ABHD12B: variants seen among roughly 807,000 people sequenced by gnomAD.
The protein encoded by ABHD12B is abhydrolase domain containing 12B.
A neutral mutation model predicts 50.4 loss-of-function variants in ABHD12B; 42 were observed. That is an observed-to-expected ratio of 0.83 (90% CI 0.65 to 1.08). The LOEUF (loss-of-function observed/expected upper bound fraction) is 1.08, where lower values mean the gene tolerates loss of function less well. Ranked by LOEUF, ABHD12B falls within the 50% of genes least tolerant of loss-of-function variation. The pLI, the probability that ABHD12B is intolerant of heterozygous loss-of-function variation, is 0.00. For missense variants in ABHD12B, 479 were observed against 447.7 expected (o/e 1.07, Z -0.63); for synonymous variants, 167 against 160.3 (o/e 1.04, Z -0.32).
At chr14:50,889,723 C>A (rs186328961) in intron 9 of ABHD12B, among the ~76,000 whole-genome samples, 2 of 152,166 alleles carry the variant, frequency 1.3e-5, no homozygotes, top group Non-Finnish European at 1.5e-5. Flanking sequence ...TAGAGTTGTA[C>A]GTACGTGTAA....
chr14:50,890,948 G>A (rs963667686), intron 9 of ABHD12B: 4 of 152,148 alleles, frequency 2.6e-5, no homozygotes, highest in Non-Finnish European at 5.9e-5. Context: ...AGCTCCAGTT[G>A]CTTCAAATCC....
rs772303357 is a variant in ABHD12B, at chr14:50,904,820, C to T, written c.*454C>T. Reference sequence around the variant, plus strand: ...ATAAATTATGACCAAAAGAGCTCTTCACTCCTCCTACCATTTGAGGATACA... The same window carrying T: ...ATAAATTATGACCAAAAGAGCTCTTTACTCCTCCTACCATTTGAGGATACA... On this transcript the variant is annotated 3_prime_UTR_variant, in exon 13 of 13. Transcript: ENST00000337334. 102 of 233,236 alleles carry T rather than the reference C, an allele frequency of 4.4e-4. No individual in the cohort carries two copies. The highest frequency in any genetic ancestry group is 7.4e-4 in the Non-Finnish European group (87 of 117,896). The allele number at this position is 233,236 out of a possible 1,614,324, so 14.4% of individuals were successfully genotyped here. A position where few individuals can be genotyped will look rare whatever the true frequency, so the allele number is the denominator to read the frequency against.
chr14:50,886,642 TAC>T lies in ABHD12B; in HGVS notation c.663-3_663-2del. 6.2e-7 allele frequency: 1 copy of T among 1,608,476 alleles called. No individual in the cohort carries two copies. The highest frequency in any genetic ancestry group is 8.5e-7 in the Non-Finnish European group (1 of 1,176,922). ...ACACATGTACTAATTTTCATTGCTTTACAGAGTTGCAACAAATGCTGCAAAAG... is the reference window on the plus strand; with the variant it reads ...ACACATGTACTAATTTTCATTGCTTTAGAGTTGCAACAAATGCTGCAAAAG... On this transcript the variant is annotated splice_polypyrimidine_tract_variant and splice_region_variant and intron_variant, in intron 7 of 12. Coordinates refer to ENST00000337334, the MANE Select transcript of ABHD12B (RefSeq NM_001206673.2).
chr14:50,896,863 TCA>T (rs1261167124), intron 9 of ABHD12B, among the ~76,000 whole-genome samples: 2 of 152,332 alleles, frequency 1.3e-5, no homozygotes, highest in East Asian at 3.9e-4. Context: ...GGTGGTCTCT[TCA>T]CACAGACGCG....
chr14:50,898,473 A>G (rs1455370883), intron 9 of ABHD12B, among the ~76,000 whole-genome samples: 1 of 152,182 alleles, frequency 6.6e-6, no homozygotes, highest in Non-Finnish European at 1.5e-5. Context: ...AAGGATGTTT[A>G]TCTGGTGGTG....
chr14:50,897,046 C>A (rs1024463138), intron 9 of ABHD12B, among the ~76,000 whole-genome samples: 1 of 150,344 alleles, frequency 6.7e-6, no homozygotes, highest in Non-Finnish European at 1.5e-5. Context: ...GGTACATAAG[C>A]CTAATAATAT....
chr14:50,894,527 C>G (rs565861726), intron 9 of ABHD12B, among the ~76,000 whole-genome samples: 3 of 152,226 alleles, frequency 2.0e-5, no homozygotes, highest in African/African-American at 7.2e-5. Context: ...CACACCTGAC[C>G]TAAAATCTAA....
At chr14:50,886,440 CAAAAAAA>C (rs534954967) in intron 7 of ABHD12B, among the ~76,000 whole-genome samples, 200 bp from the exon 8 acceptor site, 1 of 62,968 alleles carries the variant, frequency 1.6e-5, no homozygotes, top group Non-Finnish European at 3.3e-5. Context: ...GCTCTGTCTC[CAAAAAAA>C]AAAAAAAAAA....
intron 1 of ABHD12B, among the ~76,000 whole-genome samples, chr14:50,875,606 G>A (rs1450109353): frequency 6.6e-6 from 1 of 152,202 alleles, no homozygotes; most frequent in African/African-American, 2.4e-5. Flanking sequence ...CGTTAGCGGG[G>A]ATTGGGCTGA....
At chr14:50,894,865 C>T (rs868249384) in intron 9 of ABHD12B, among the ~76,000 whole-genome samples, 13 of 148,252 alleles carry the variant, frequency 8.8e-5, no homozygotes, top group Admixed American at 4.6e-4. Flanking sequence ...CTCGCCAGGC[C>T]GAGCTAGGCC....
intron 9 of ABHD12B, among the ~76,000 whole-genome samples, chr14:50,899,492 A>T (rs2050237601): frequency 6.6e-6 from 1 of 152,326 alleles, no homozygotes; most frequent in South Asian, 2.1e-4. Flanking sequence ...TTTTTAAAAA[A>T]TTGTGAAGCA....
In ABHD12B at chr14:50,882,373, C is replaced by CTTTTTTTTTTTTTTTTTTT. The variant is rs386381352; in HGVS notation, c.486+750_486+768dup. 4.4e-4 allele frequency among the ~76,000 whole-genome samples: 36 copies of CTTTTTTTTTTTTTTTTTTT among 81,834 alleles called. 7 individuals are homozygous for CTTTTTTTTTTTTTTTTTTT. Among genetic ancestry groups the CTTTTTTTTTTTTTTTTTTT allele is most frequent in the African/African-American group, 1.8e-3 (35 of 19,318 alleles). 53.7% of individuals were successfully genotyped at this position (81,834 alleles called of 152,430 possible). On this transcript the variant is annotated intron_variant, in intron 5 of 12. Coordinates refer to ENST00000337334, the MANE Select transcript of ABHD12B (RefSeq NM_001206673.2). ...ATAGGCTAAAGACACAGAATGTCTG[C>CTTTTTTTTTTTTTTTTTTT]TTTTTTTTTTTTTTTTTTTTTGAGA...
intron 12 of ABHD12B, 32 bp from the exon 13 acceptor site, chr14:50,904,307 G>T (rs1290436929): frequency 6.2e-7 from 1 of 1,613,902 alleles, no homozygotes; most frequent in Non-Finnish European, 8.5e-7. Context: ...GTAGGGAAAG[G>T]GTGTGAGCTG....
intron 4 of ABHD12B, 78 bp from the exon 5 acceptor site, chr14:50,881,518 G>A (rs1218535271): frequency 9.2e-6 from 14 of 1,514,530 alleles, no homozygotes; most frequent in South Asian, 4.9e-5. Flanking sequence ...CCAGCAGCAC[G>A]AGAGTGATTT....
intron 9 of ABHD12B, among the ~76,000 whole-genome samples, chr14:50,889,582 G>A (rs1179192300): frequency 6.6e-6 from 1 of 152,190 alleles, no homozygotes; most frequent in African/African-American, 2.4e-5. Flanking sequence ...AGGTTGCAGT[G>A]AGCTGAGATC....
Position 50,904,096 on chromosome 14 carries a change from C to G in ABHD12B, c.965C>G (p.Ala322Gly), listed in dbSNP as rs751080810. 6.2e-6 allele frequency: 10 copies of G among 1,613,878 alleles called. No homozygotes were observed. The East Asian group carries it at 2.0e-4, about 32-fold the overall frequency. Residue 322 changes from alanine (A) to glycine (G), a missense_variant, in exon 12 of 13, where the codon GCA becomes GGA. Transcript: ENST00000337334. Reference sequence around the variant, plus strand: ...CAGCTCTATGAAATTGCACGCAATGCATACAGGAACAAAGAGAGGGTCAAG... The same window carrying G: ...CAGCTCTATGAAATTGCACGCAATGGATACAGGAACAAAGAGAGGGTCAAG... ...GKKLYEIARN[A>G]YRNKERVKMV...
At chr14:50,883,149 T>C (rs1406025987) in intron 5 of ABHD12B, among the ~76,000 whole-genome samples, 1 of 152,176 alleles carries the variant, frequency 6.6e-6, no homozygotes, top group African/African-American at 2.4e-5. Flanking sequence ...TAGCCATATC[T>C]GCCTCAGAAC....
chr14:50,901,526 T>G (rs1468903331), intron 9 of ABHD12B, among the ~76,000 whole-genome samples: 14 of 152,264 alleles, frequency 9.2e-5, no homozygotes, highest in Admixed American at 9.2e-4. Flanking sequence ...AGGTTTTGCA[T>G]ACCACTGCTT....
chr14:50,891,290 T>G (rs1712931596), intron 9 of ABHD12B: 1 of 151,778 alleles, frequency 6.6e-6, no homozygotes, highest in Non-Finnish European at 1.5e-5. Context: ...TCGTCCAGGC[T>G]GGAGTGCAGT....
Sources: allele counts gnomAD v4.1 joint callset (sites outside exome capture counted in the v4.1 genomes callset), GRCh38; gene constraint gnomAD v4.1.1; transcripts MANE v1.5; gene names NCBI Gene and HGNC (gene_info 2026-07-23, HGNC 2026-07-21).